PPP2R2C: variants seen among roughly 807,000 people sequenced by gnomAD.
PPP2R2C encodes the protein protein phosphatase 2 regulatory subunit Bgamma, also known as protein phosphatase 2, regulatory subunit B, gamma.
PPP2R2C carries 10 observed loss-of-function variants against 45.3 expected under a neutral mutation model. That is an observed-to-expected ratio of 0.22 (90% CI 0.14 to 0.37). The LOEUF (loss-of-function observed/expected upper bound fraction) is 0.37. Ranked by LOEUF, PPP2R2C falls within the 10% of genes least tolerant of loss-of-function variation. PPP2R2C has a pLI of 1.00. For synonymous variants in PPP2R2C, 257 were observed against 245.4 expected (o/e 1.05, Z -0.44); for missense variants, 308 against 619.7 (o/e 0.50, Z 5.34).
At chr4:6,450,537 A>G (rs1426715875) in intron 1 of PPP2R2C, among the ~76,000 whole-genome samples, 1 of 152,142 alleles carries the variant, frequency 6.6e-6, no homozygotes, top group Non-Finnish European at 1.5e-5. Context: ...CCCGACCATC[A>G]AGGCATCCAA....
At chr4:6,435,738 G>A (rs1255975643) in intron 1 of PPP2R2C, among the ~76,000 whole-genome samples, 1 of 152,148 alleles carries the variant, frequency 6.6e-6, no homozygotes, top group Admixed American at 6.5e-5. Flanking sequence ...AAGATCAGAT[G>A]CCACAGGCTG....
chr4:6,549,314 G>A (rs1725102734), intron 1 of PPP2R2C, among the ~76,000 whole-genome samples: 1 of 151,480 alleles, frequency 6.6e-6, no homozygotes, highest in East Asian at 1.9e-4. Context: ...CAGCCTCCTT[G>A]CTGCCACAGA....
At chr4:6,399,652 G>A (rs1018344474) in intron 1 of PPP2R2C, among the ~76,000 whole-genome samples, 3 of 152,254 alleles carry the variant, frequency 2.0e-5, no homozygotes, top group Non-Finnish European at 2.9e-5. Flanking sequence ...TGGGCAGCCT[G>A]AGCTGACCCT....
Position 6,378,359 on chromosome 4 carries a change from A to G in PPP2R2C, c.334+48T>C. On this transcript the variant is annotated intron_variant, in intron 3 of 8. Coordinates refer to ENST00000382599, the MANE Select transcript of PPP2R2C (RefSeq NM_020416.4). The surrounding 1 kb of genome is among the most constrained non-coding windows in gnomAD (Gnocchi z 5.2). ...GAAATACAAACCAGCATTTGGTAGA[A>G]ACATCTACGGCCTGTGCCCATGCAA... The G allele has an allele frequency of 6.2e-7, 1 of 1,611,044 alleles. No individual in the cohort carries two copies. Among genetic ancestry groups the G allele is most frequent in the Non-Finnish European group, 8.5e-7 (1 of 1,179,100 alleles).
intron 5 of PPP2R2C, chr4:6,350,230 C>T (rs1283748603): frequency 5.1e-6 from 5 of 985,456 alleles, no homozygotes; most frequent in South Asian, 4.7e-5. Flanking sequence ...ATTTCTCCAG[C>T]GTCCACCTGG....
At chr4:6,349,001 G>A in intron 5 of PPP2R2C, 2 of 985,110 alleles carry the variant, frequency 2.0e-6, no homozygotes, top group Non-Finnish European at 2.4e-6. Flanking sequence ...GCTGGATTCA[G>A]CCTCACAACC....
chr4:6,391,596 C>T (rs563160816), intron 1 of PPP2R2C, among the ~76,000 whole-genome samples: 11 of 152,338 alleles, frequency 7.2e-5, no homozygotes, highest in African/African-American at 2.6e-4. Context: ...TTCCATGATC[C>T]CGGCCTCCAC....
chr4:6,413,894 C>G, intron 1 of PPP2R2C: 1 of 1,536,076 alleles, frequency 6.5e-7, no homozygotes, highest in Non-Finnish European at 8.7e-7. Context: ...CCCCACAGCC[C>G]CTGCTCACCC....
chr4:6,477,464 C>T (rs186592697), upstream of PPP2R2C, among the ~76,000 whole-genome samples: 396 of 152,174 alleles, frequency 2.6e-3, 4 homozygotes, highest in African/African-American at 8.7e-3. Flanking sequence ...CGGTGCCTCA[C>T]GCCTGTAATC....
chr4:6,383,311 C>A (rs1560502415), intron 1 of PPP2R2C: 1 of 1,279,870 alleles, frequency 7.8e-7, no homozygotes. Context: ...CCCAGCCAAG[C>A]CCAGACCACA....
intron 1 of PPP2R2C, among the ~76,000 whole-genome samples, chr4:6,444,274 C>T (rs1273824368): frequency 6.6e-6 from 1 of 152,206 alleles, no homozygotes; most frequent in Admixed American, 6.5e-5. Context: ...GGTCTGCTCC[C>T]GCGGAGATCA....
At chr4:6,505,395 A>G (rs1323317641) in intron 2 of PPP2R2C, among the ~76,000 whole-genome samples, 1 of 152,258 alleles carries the variant, frequency 6.6e-6, no homozygotes, top group Non-Finnish European at 1.5e-5. Context: ...AAGACCATTC[A>G]ATACATATAA....
At chr4:6,496,554 C>A (rs1246818278) in intron 2 of PPP2R2C, among the ~76,000 whole-genome samples, 1 of 152,188 alleles carries the variant, frequency 6.6e-6, no homozygotes, top group African/African-American at 2.4e-5. Context: ...TCCCTAGGCA[C>A]CTTCTGTGCG....
Position 6,449,542 on chromosome 4 carries a change from CCT to C in PPP2R2C, c.70+22616_70+22617del, listed in dbSNP as rs565442788. Among the ~76,000 whole-genome samples, 254 of 152,380 alleles carry C rather than the reference CCT, an allele frequency of 1.7e-3. 1 individual carries two copies. Among genetic ancestry groups the C allele is most frequent in the African/African-American group, 5.9e-3 (247 of 41,590 alleles). Reference sequence around the variant, plus strand: ...TGCGGACCCCCGCCGCCGCCTGGCCCCTGTCGGGAGGGACTCCCGTGTCCTGT... The same window carrying C: ...TGCGGACCCCCGCCGCCGCCTGGCCCGTCGGGAGGGACTCCCGTGTCCTGT... On this transcript the variant is annotated intron_variant, in intron 1 of 8. Transcript: ENST00000382599.
At chr4:6,365,402 G>A (rs938323706) in intron 5 of PPP2R2C, among the ~76,000 whole-genome samples, 1 of 152,248 alleles carries the variant, frequency 6.6e-6, no homozygotes. Flanking sequence ...GTACCCGACA[G>A]TGGGTCATGT....
intron 2 of PPP2R2C, among the ~76,000 whole-genome samples, chr4:6,485,801 T>C (rs1055204867): frequency 2.6e-5 from 4 of 152,032 alleles, no homozygotes; most frequent in African/African-American, 7.2e-5. Context: ...ATTTTACTGA[T>C]AAAAATCTTA....
At chr4:6,426,929 A>G (rs984400861) in intron 1 of PPP2R2C, among the ~76,000 whole-genome samples, 1 of 152,244 alleles carries the variant, frequency 6.6e-6, no homozygotes, top group African/African-American at 2.4e-5. Context: ...GAGCACCAAC[A>G]TGGGGAGGAA....
intron 5 of PPP2R2C, among the ~76,000 whole-genome samples, chr4:6,359,499 G>C (rs976519133): frequency 7.9e-5 from 12 of 151,860 alleles, no homozygotes; most frequent in Non-Finnish European, 1.5e-5. Flanking sequence ...AACAAAAAAA[G>C]CACTTGAAAT....
chr4:6,446,381 T>C (rs769927046), intron 1 of PPP2R2C, among the ~76,000 whole-genome samples: 1 of 152,084 alleles, frequency 6.6e-6, no homozygotes, highest in Non-Finnish European at 1.5e-5. Context: ...TTTTAACTCC[T>C]GTATGGTTTT....
Sources: gnomAD v4.1 joint callset for allele counts (sites outside exome capture counted in the v4.1 genomes callset) on GRCh38, gnomAD v4.1.1 for gene constraint, Gnocchi (gnomAD v3.1) non-coding constraint, MANE v1.5 for transcripts, NCBI Gene and HGNC (gene_info 2026-07-23, HGNC 2026-07-21) for gene names.